The following RGS7BP variants were observed in gnomAD, a reference collection of about 807,000 sequenced individuals.
RGS7BP encodes the protein regulator of G protein signaling 7 binding protein.
RGS7BP carries 9 observed loss-of-function variants against 31.3 expected under a neutral mutation model. The ratio of observed to expected loss-of-function variants is 0.29; its 90% CI spans 0.17 to 0.50. The LOEUF is 0.50. RGS7BP is among the 20% of genes least tolerant of loss of function. RGS7BP has a pLI of 0.98. For missense variants in RGS7BP, 274 were observed against 322.0 expected (o/e 0.85, Z 1.14); for synonymous variants, 115 against 120.1 (o/e 0.96, Z 0.28).
intron 2 of RGS7BP, 75 bp downstream of exon 2, chr5:64,507,952 T>C (rs942294848): frequency 1.6e-6 from 2 of 1,228,612 alleles, no homozygotes; most frequent in Non-Finnish European, 2.3e-6. Context: ...GGTAGTCAAG[T>C]CCTCAGACAT....
rs1742313085 is a variant in RGS7BP, at chr5:64,572,080, G to A, written c.333-3694G>A. Among the ~76,000 whole-genome samples the A allele has an allele frequency of 3.3e-5, 5 of 152,138 alleles. No homozygotes were observed. In the South Asian group the frequency reaches 1.0e-3, roughly 32 times the overall value. On this transcript the variant is annotated intron_variant, in intron 2 of 5. Coordinates refer to ENST00000334025, the MANE Select transcript of RGS7BP (RefSeq NM_001029875.3). Reference sequence around the variant, plus strand: ...ACTCTGATTAATTAGAGTGAAACGTGTTAGACTAAACATAAGTAACATGTG... The same window carrying A: ...ACTCTGATTAATTAGAGTGAAACGTATTAGACTAAACATAAGTAACATGTG...
At chr5:64,552,410 A>G (rs1741818269) in intron 2 of RGS7BP, among the ~76,000 whole-genome samples, 2 of 152,258 alleles carry the variant, frequency 1.3e-5, no homozygotes, top group Admixed American at 1.3e-4. Context: ...CATTTTCTTA[A>G]TTATTTAACT....
chr5:64,576,120 CA>C, intron 3 of RGS7BP, among the ~76,000 whole-genome samples: 1 of 152,282 alleles, frequency 6.6e-6, no homozygotes, highest in East Asian at 1.9e-4. Context: ...GAAATTAGGG[CA>C]GCAACAGTTC....
At chr5:64,588,472 T>C (rs779543192) in intron 3 of RGS7BP, among the ~76,000 whole-genome samples, 19 of 152,178 alleles carry the variant, frequency 1.2e-4, no homozygotes, top group Admixed American at 2.6e-4. Context: ...TCCCCTCCTG[T>C]CACGCAGCCC....
chr5:64,543,960 T>C (rs915956818), intron 2 of RGS7BP, among the ~76,000 whole-genome samples: 1 of 152,250 alleles, frequency 6.6e-6, no homozygotes, highest in South Asian at 2.1e-4. Context: ...CAGCATTTTT[T>C]AAAAACTTTT....
intron 5 of RGS7BP, among the ~76,000 whole-genome samples, chr5:64,600,791 C>T (rs957304843): frequency 1.2e-4 from 19 of 152,204 alleles, no homozygotes; most frequent in Admixed American, 7.9e-4. Context: ...TCTCTGTTCT[C>T]TATGTGTTTA....
At chr5:64,608,618 GT>G (rs1743425211) in intron 5 of RGS7BP, among the ~76,000 whole-genome samples, 1 of 151,992 alleles carries the variant, frequency 6.6e-6, no homozygotes. Flanking sequence ...ATAGCTAAAT[GT>G]TTTTCATAGA....
intron 3 of RGS7BP, among the ~76,000 whole-genome samples, chr5:64,578,941 CT>C (rs1434436006): frequency 2.6e-5 from 4 of 152,122 alleles, no homozygotes; most frequent in Non-Finnish European, 5.9e-5. Context: ...ACTTTTTTTA[CT>C]GCTGGAAAAA....
At chr5:64,547,584 A>G (rs891317158) in intron 2 of RGS7BP, among the ~76,000 whole-genome samples, 2 of 152,200 alleles carry the variant, frequency 1.3e-5, no homozygotes, top group African/African-American at 2.4e-5. Context: ...AATTCAGGAT[A>G]TTTTATGAGA....
chr5:64,507,771 G>C lies in RGS7BP; in HGVS notation c.226G>C (p.Asp76His). 6.2e-7 allele frequency: 1 copy of C among 1,613,944 alleles called. No homozygotes were observed. Among genetic ancestry groups the C allele is most frequent in the Non-Finnish European group, 8.5e-7 (1 of 1,179,944 alleles). The change falls in exon 2 of 6, where the codon GAT (aspartate) becomes CAT (histidine). Residue 76 changes from aspartate (D) to histidine (H), a missense_variant. By Grantham distance (81) the Asp-to-His change is moderately conservative (BLOSUM62 -1). Around this residue, in one of 3 missense-constraint regions of RGS7BP, gnomAD observed 149 missense variants for 152.6 expected, o/e 0.98. Transcript: ENST00000334025. The part of the protein sequence containing the change: ...LYRELVISIG[D>H]VSVSCPSLRA... Reference sequence around the variant, plus strand: ...CCGAGAGCTGGTCATTTCTATTGGGGATGTCTCGGTCAGCTGCCCCTCACT... The same window carrying C: ...CCGAGAGCTGGTCATTTCTATTGGGCATGTCTCGGTCAGCTGCCCCTCACT...
chr5:64,546,679 A>ATTTTTTTTT (rs11399270), intron 2 of RGS7BP, among the ~76,000 whole-genome samples: 1 of 151,356 alleles, frequency 6.6e-6, no homozygotes, highest in Non-Finnish European at 1.5e-5. Context: ...CAGATTAAGA[A>ATTTTTTTTT]TTTTTTTTTA....
intron 2 of RGS7BP, among the ~76,000 whole-genome samples, chr5:64,563,596 A>T (rs1457097363): frequency 6.6e-6 from 1 of 152,166 alleles, no homozygotes; most frequent in African/African-American, 2.4e-5. Flanking sequence ...GCTAGGTAGA[A>T]GCACAGAGCA....
At position 64,506,801 on chromosome 5, in the gene RGS7BP, C is replaced by T. The variant is rs1231139690; in HGVS notation, c.165+12C>T. On this transcript the variant is annotated intron_variant, in intron 1 of 5. Transcript: ENST00000334025. The surrounding 1 kb of genome is among the most constrained non-coding windows in gnomAD (Gnocchi z 4.6). The stretch of plus-strand genomic sequence containing the variant: ...ACGACTGCAAGATGGTGGGTGAAAA[C>T]TGCGCCTCTTTTTTTTTTTTTTTAA... 3.4e-6 allele frequency: 5 copies of T among 1,471,166 alleles called. No individual in the cohort carries two copies. The highest frequency in any genetic ancestry group is 4.6e-6 in the Non-Finnish European group (5 of 1,083,580). 91.1% of individuals were successfully genotyped at this position (1,471,166 alleles called of 1,614,324 possible).
chr5:64,586,196 A>T (rs920646359), intron 3 of RGS7BP, among the ~76,000 whole-genome samples: 1 of 152,110 alleles, frequency 6.6e-6, no homozygotes, highest in African/African-American at 2.4e-5. Flanking sequence ...GAAGAACTCA[A>T]ATTGGCCACT....
rs943658772 is a variant in RGS7BP, at chr5:64,557,486, G to C, written c.333-18288G>C. Among the ~76,000 whole-genome samples, 5 of 152,160 alleles carry C rather than the reference G, an allele frequency of 3.3e-5. No individual in the cohort carries two copies. In the East Asian group the frequency reaches 9.6e-4, roughly 29 times the overall value. ...AGGATACCCAAGACAGACAAGAGCT[G>C]TCTTTCTACTTTTTTGCTGAGACTT... On this transcript the variant is annotated intron_variant, in intron 2 of 5. Transcript: ENST00000334025.
intron 5 of RGS7BP, among the ~76,000 whole-genome samples, chr5:64,606,941 G>A (rs1338866379): frequency 4.6e-5 from 7 of 152,078 alleles, no homozygotes; most frequent in Non-Finnish European, 8.8e-5. Flanking sequence ...AACAGAATAT[G>A]AGCTTTAAGA....
intron 2 of RGS7BP, among the ~76,000 whole-genome samples, chr5:64,533,809 G>T (rs1416729827): frequency 6.6e-6 from 1 of 152,138 alleles, no homozygotes; most frequent in Non-Finnish European, 1.5e-5. Flanking sequence ...CTATTTCTAA[G>T]CTACAACTAT....
Position 64,506,096 on chromosome 5 carries a change from T to C in RGS7BP, c.-529T>C, listed in dbSNP as rs1748668034. On this transcript the variant is annotated 5_prime_UTR_variant, in exon 1 of 6. Transcript: ENST00000334025. The surrounding 1 kb of genome is among the most constrained non-coding windows in gnomAD (Gnocchi z 4.6). Reference sequence around the variant, plus strand: ...GATCAAGGCAGCCGATTAGAGCCAATTGCTTGCTTTGGGGACGGCCAGTCC... The same window carrying C: ...GATCAAGGCAGCCGATTAGAGCCAACTGCTTGCTTTGGGGACGGCCAGTCC... 6.6e-6 allele frequency among the ~76,000 whole-genome samples: 1 copy of C among 152,020 alleles called. No individual in the cohort carries two copies. The highest frequency in any genetic ancestry group is 6.5e-5 in the Admixed American group (1 of 15,282).
intron 2 of RGS7BP, among the ~76,000 whole-genome samples, chr5:64,545,021 CAA>C (rs1170551745): frequency 6.6e-6 from 1 of 151,868 alleles, no homozygotes; most frequent in Non-Finnish European, 1.5e-5. Context: ...ACTAAAAATA[CAA>C]AAGTTAGCCG....
Sources: gnomAD v4.1 joint callset for allele counts (sites outside exome capture counted in the v4.1 genomes callset) on GRCh38, gnomAD v4.1.1 for gene constraint, gnomAD v4.1.1 regional missense constraint, Gnocchi (gnomAD v3.1) non-coding constraint, MANE v1.5 for transcripts, NCBI Gene and HGNC (gene_info 2026-07-23, HGNC 2026-07-21) for gene names.